Variants in CCDC18 observed in about 807,000 individuals in gnomAD.
CCDC18 encodes the protein coiled-coil domain-containing protein 18.
In CCDC18, 157 loss-of-function variants were observed where a neutral mutation model predicts 196.0. The observed-to-expected ratio is 0.80, with a 90% confidence interval of 0.70 to 0.91. The LOEUF (loss-of-function observed/expected upper bound fraction) is 0.91, where lower values mean the gene tolerates loss of function less well. Among genes scored for constraint, CCDC18 ranks in the 40% least tolerant of loss-of-function variants. The pLI is 0.00. For missense variants in CCDC18, 1,465 were observed against 1,611.6 expected, an observed-to-expected ratio of 0.91 and a Z score of 1.56; for synonymous variants, 482 against 529.2, an observed-to-expected ratio of 0.91 and a Z score of 1.22.
At chr1:93,252,994 G>C (rs1179271472) in intron 23 of CCDC18, among the ~76,000 whole-genome samples, 1 of 152,246 alleles carries the variant, frequency 6.6e-6, no homozygotes, top group East Asian at 1.9e-4. Flanking sequence ...AGGCTGTCCT[G>C]GTGGCCCAGA....
chr1:93,261,876 A>C (rs1663843733), intron 26 of CCDC18, among the ~76,000 whole-genome samples: 1 of 152,308 alleles, frequency 6.6e-6, no homozygotes, highest in Admixed American at 6.5e-5. Flanking sequence ...ACTGCTATAA[A>C]GAAATACCTG....
chr1:93,251,158 C>T (rs1662186598), intron 23 of CCDC18, among the ~76,000 whole-genome samples: 2 of 151,986 alleles, frequency 1.3e-5, no homozygotes, highest in South Asian at 4.1e-4. Flanking sequence ...AGAAAACATC[C>T]TATTGTTATA....
At chr1:93,252,015 G>GTCAA (rs369902381) in intron 23 of CCDC18, among the ~76,000 whole-genome samples, 2 of 123,046 alleles carry the variant, frequency 1.6e-5, no homozygotes, top group East Asian at 4.2e-4. Context: ...CTATCTATCT[G>GTCAA]TCTGTCTATC....
In CCDC18 at chr1:93,256,509, G is replaced by C; in HGVS notation, c.3517G>C (p.Glu1173Gln). The C allele has an allele frequency of 1.2e-6, 2 of 1,613,942 alleles. No individual in the cohort carries two copies. The highest frequency in any genetic ancestry group is 1.1e-5 in the South Asian group (1 of 91,076). ...REIERLSSEL[E>Q]DMKQLSKEKD... ...AATAGAAAGGCTCTCTAGTGAACTG[G>C]AGGATATGAAGCAACTCTCTAAAGA... The change falls in exon 25 of 29, where the codon GAG (glutamate) becomes CAG (glutamine). Residue 1173 changes from glutamate to glutamine, a missense_variant. By Grantham distance (29) the Glu-to-Gln change is conservative (BLOSUM62 2). Coordinates refer to ENST00000690025, the MANE Select transcript of CCDC18 (RefSeq NM_001378204.1).
In CCDC18 at chr1:93,266,588, G is replaced by A. The variant is rs537759447; in HGVS notation, c.3885+1687G>A. On this transcript the variant is annotated intron_variant, in intron 27 of 28. Coordinates refer to ENST00000690025, the MANE Select transcript of CCDC18 (RefSeq NM_001378204.1). ...GAAAAGAGAGAAGAATCAAATAGAG[G>A]CAATAAAAAATGATAAAGAGGATAT... 8.6e-5 allele frequency among the ~76,000 whole-genome samples: 13 copies of A among 151,978 alleles called. No homozygotes were observed. The East Asian group carries it at 2.5e-3, about 29-fold the overall frequency.
At position 93,278,032 on chromosome 1, in the gene CCDC18, G is replaced by A. The variant is rs367691091; in HGVS notation, c.4354-431G>A. Among the ~76,000 whole-genome samples, 9 of 151,778 alleles carry A rather than the reference G, an allele frequency of 5.9e-5. No individual in the cohort carries two copies. The East Asian group carries it at 1.4e-3, about 23-fold the overall frequency. On this transcript the variant is annotated intron_variant, in intron 28 of 28. Transcript: ENST00000690025. ...ATGGAGTTACCCTCTTGTCTCCCAG[G>A]CTGGAGTGCAGTGGTGCGATCTCGG...
At chr1:93,209,061 C>T (rs1571432945) in intron 9 of CCDC18, among the ~76,000 whole-genome samples, 2 of 152,140 alleles carry the variant, frequency 1.3e-5, no homozygotes, top group African/African-American at 2.4e-5. Flanking sequence ...TGGGTTCAAG[C>T]GATTCTCCTG....
Position 93,205,618 on chromosome 1 carries a change from A to C in CCDC18, c.904A>C (p.Lys302Gln). 1 of 1,591,960 alleles carries C rather than the reference A, an allele frequency of 6.3e-7. No homozygotes were observed. Among genetic ancestry groups the C allele is most frequent in the Non-Finnish European group, 8.5e-7 (1 of 1,171,700 alleles). ...GLYKSELEIL[K>Q]EKLRQLKEEN... ...ATATAAAAGTGAACTTGAAATTCTG[A>C]AAGAGAAATTAAGGTACAGTATTCT... Residue 302 changes from lysine to glutamine, a missense_variant, in exon 8 of 29, where the codon AAA becomes CAA. Transcript: ENST00000690025.
At chr1:93,211,897 A>C (rs1280548231) in intron 10 of CCDC18, among the ~76,000 whole-genome samples, 1 of 152,194 alleles carries the variant, frequency 6.6e-6, no homozygotes, top group Non-Finnish European at 1.5e-5. Flanking sequence ...TTTCAATTTT[A>C]CTAAATACCA....
At chr1:93,243,011 G>C (rs950377330) in intron 21 of CCDC18, among the ~76,000 whole-genome samples, 1 of 152,202 alleles carries the variant, frequency 6.6e-6, no homozygotes, top group Non-Finnish European at 1.5e-5. Context: ...GGTGCAAGCT[G>C]TCAGTGCATC....
intron 1 of CCDC18, among the ~76,000 whole-genome samples, chr1:93,182,094 A>G (rs1331607822): frequency 2.0e-5 from 3 of 152,230 alleles, no homozygotes; most frequent in Non-Finnish European, 4.4e-5. Context: ...GACCTGATTT[A>G]TTGACTTGTC....
intron 23 of CCDC18, 123 bp from the exon 24 acceptor site, chr1:93,254,348 C>A (rs1445624236): frequency 1.5e-6 from 1 of 678,246 alleles, no homozygotes; most frequent in Admixed American, 3.3e-5. Flanking sequence ...ATACGATTGC[C>A]TTAACCTATT....
intron 10 of CCDC18, among the ~76,000 whole-genome samples, chr1:93,211,664 T>A (rs1026580113): frequency 8.5e-5 from 13 of 152,320 alleles, no homozygotes; most frequent in African/African-American, 3.1e-4. Flanking sequence ...ATAGAGTAGA[T>A]TAACAAATGG....
At chr1:93,253,792 G>A (rs1453579494) in intron 23 of CCDC18, among the ~76,000 whole-genome samples, 1 of 152,184 alleles carries the variant, frequency 6.6e-6, no homozygotes, top group Non-Finnish European at 1.5e-5. Context: ...CCTTGGGGAC[G>A]TGGGCTGTTT....
rs1665162120 is a variant in CCDC18 at position 93,270,682 on chromosome 1, C to G, written c.4221C>G (p.Leu1407=). The change falls in exon 28 of 29, where the codon CTC becomes CTG. Residue 1407 remains leucine (L), a synonymous_variant. Coordinates refer to ENST00000690025, the MANE Select transcript of CCDC18 (RefSeq NM_001378204.1). ...CCCAGCCAGACTCATTTAAACCTCT[C>G]ACATATAACCTAGAAGCTGATAGTT... ...TYTQPDSFKP[L]TYNLEADSSE... is the part of the protein sequence containing the mutation. 1.3e-6 allele frequency: 2 copies of G among 1,550,220 alleles called. No individual in the cohort carries two copies. Among genetic ancestry groups the G allele is most frequent in the African/African-American group, 2.7e-5 (2 of 73,034 alleles).
chr1:93,270,478 A>G lies in CCDC18; in HGVS notation c.4017A>G (p.Lys1339=). The part of the protein sequence containing the change: ...MPDVQDPKFA[K]CFHTSFSKCT... Reference sequence around the variant, plus strand: ...ATGTTCAAGATCCAAAATTTGCTAAATGTTTTCACACATCTTTTTCCAAGT... The same window carrying G: ...ATGTTCAAGATCCAAAATTTGCTAAGTGTTTTCACACATCTTTTTCCAAGT... Residue 1339 remains lysine (K), a synonymous_variant, in exon 28 of 29, where the codon AAA becomes AAG. Coordinates refer to ENST00000690025, the MANE Select transcript of CCDC18 (RefSeq NM_001378204.1). 2 of 1,550,414 alleles carry G rather than the reference A, an allele frequency of 1.3e-6. No individual in the cohort carries two copies. Among genetic ancestry groups the G allele is most frequent in the Non-Finnish European group, 1.7e-6 (2 of 1,146,884 alleles).
chr1:93,203,736 T>C lies in CCDC18; in HGVS notation c.795+1748T>C, dbSNP rs1294124903. Among the ~76,000 whole-genome samples, 3 of 151,790 alleles carry C rather than the reference T, an allele frequency of 2.0e-5. No individual in the cohort carries two copies. The East Asian group carries it at 5.8e-4, about 29-fold the overall frequency. ...ATTCCAGCTACTCAGCAGGCTGAGG[T>C]AGAAGGATTGCTTGAACTCAGGAGT... On this transcript the variant is annotated intron_variant, in intron 7 of 28. Transcript: ENST00000690025.
chr1:93,226,541 ATATTTC>A, intron 17 of CCDC18, 92 bp downstream of exon 17: 1 of 353,312 alleles, frequency 2.8e-6, no homozygotes, highest in Non-Finnish European at 5.2e-6. Context: ...ATATATATAT[ATATTTC>A]TTTTGAGACA....
At chr1:93,211,992 TATTAGA>T in intron 10 of CCDC18, 103 bp from the exon 11 acceptor site, 1 of 920,504 alleles carries the variant, frequency 1.1e-6, no homozygotes, top group Non-Finnish European at 1.7e-6. Context: ...AGTTGACTAA[TATTAGA>T]ATTCTAATTT....
Sources: allele counts gnomAD v4.1 joint callset (sites outside exome capture counted in the v4.1 genomes callset), GRCh38; gene constraint gnomAD v4.1.1; transcripts MANE v1.5; gene names NCBI Gene and HGNC (gene_info 2026-07-23, HGNC 2026-07-21).